Variants in TSPEAR observed in about 807,000 individuals in gnomAD.
TSPEAR encodes the protein thrombospondin-type laminin G domain and EAR repeat-containing protein.
Under a neutral mutation model 71.6 loss-of-function variants are expected in TSPEAR, and 69 were observed. The observed-to-expected ratio is 0.96, with a 90% CI of 0.79 to 1.18. The LOEUF (loss-of-function observed/expected upper bound fraction) is 1.18. Ranked by LOEUF, TSPEAR falls within the 50% of genes most tolerant of loss-of-function variation. The pLI is 0.00. For missense variants in TSPEAR, 971 were observed against 894.9 expected, an observed-to-expected ratio of 1.09 and a Z score of -1.09; for synonymous variants, 402 against 387.2, an observed-to-expected ratio of 1.04 and a Z score of -0.45.
In TSPEAR at chr21:44,705,435, G is replaced by A. The variant is rs533583331; in HGVS notation, c.82+5998C>T. On this transcript the variant is annotated intron_variant, in intron 1 of 11. Coordinates refer to ENST00000323084, the MANE Select transcript of TSPEAR (RefSeq NM_144991.3). ...GAGATAACCTTAAACTCTAACCGCC[G>A]GTGAGCCAGGAAGAACAGAGCCATA... 1.6e-4 allele frequency among the ~76,000 whole-genome samples: 25 copies of A among 152,368 alleles called. 1 individual carries two copies. In the South Asian group the frequency reaches 4.1e-3, roughly 25 times the overall value.
chr21:44,594,822 A>ATTTTTTTTT (rs34221889), intron 1 of TSPEAR, among the ~76,000 whole-genome samples: 13 of 125,518 alleles, frequency 1.0e-4, no homozygotes, highest in African/African-American at 3.1e-4. Context: ...CGGATCTGTG[A>ATTTTTTTTT]TTTTTTTTTT....
chr21:44,623,948 T>G lies in TSPEAR; in HGVS notation c.83-55943A>C, dbSNP rs1281508355. On this transcript the variant is annotated intron_variant, in intron 1 of 11. Transcript: ENST00000323084. The surrounding 1 kb of genome is among the most constrained non-coding windows in gnomAD (Gnocchi z 4.5). ...TGCTTTTTGCATCTATGGGTTAATGTTTTTCATCACTTTAAACTTCTTGTC... is the reference window on the plus strand; with the variant it reads ...TGCTTTTTGCATCTATGGGTTAATGGTTTTCATCACTTTAAACTTCTTGTC... 1.3e-5 allele frequency among the ~76,000 whole-genome samples: 2 copies of G among 152,236 alleles called. No homozygotes were observed. The highest frequency in any genetic ancestry group is 3.8e-4 in the East Asian group (2 of 5,202).
chr21:44,550,942 A>G, intron 2 of TSPEAR: 2 of 1,485,388 alleles, frequency 1.3e-6, no homozygotes, highest in Admixed American at 2.1e-5. Flanking sequence ...GAGGAGGTGC[A>G]GCAAGCCGGC....
chr21:44,661,092 G>T (rs868973699), intron 1 of TSPEAR, among the ~76,000 whole-genome samples: 2 of 152,084 alleles, frequency 1.3e-5, no homozygotes, highest in African/African-American at 4.8e-5. Context: ...TGGCTAACAC[G>T]GTGAAACCCG....
At chr21:44,504,067 C>T (rs587707375) in intron 11 of TSPEAR, among the ~76,000 whole-genome samples, 1 of 147,332 alleles carries the variant, frequency 6.8e-6, no homozygotes, top group African/African-American at 2.5e-5. Context: ...TCGGTGAGCC[C>T]TTGGGGGGAA....
At chr21:44,663,829 A>C (rs1985618354) in intron 1 of TSPEAR, among the ~76,000 whole-genome samples, 1 of 152,104 alleles carries the variant, frequency 6.6e-6, no homozygotes, top group Non-Finnish European at 1.5e-5. Context: ...ATCAACTTAT[A>C]ATTCACCATA....
At chr21:44,545,190 C>T (rs1056973792) in intron 2 of TSPEAR, among the ~76,000 whole-genome samples, 97 of 151,954 alleles carry the variant, frequency 6.4e-4, no homozygotes, top group Middle Eastern at 3.4e-3. Context: ...TGGTGGCAGC[C>T]GCCTGTAGTC....
At chr21:44,678,276 T>G (rs13046973) in intron 1 of TSPEAR, among the ~76,000 whole-genome samples, 85,837 of 151,670 alleles carry the variant, frequency 0.57, 24,601 homozygotes, top group Middle Eastern at 0.71. Flanking sequence ...GGAGGTGATT[T>G]GATCATGAGG....
intron 1 of TSPEAR, chr21:44,573,912 T>G (rs1555923127): frequency 1.2e-6 from 2 of 1,612,838 alleles, no homozygotes; most frequent in Admixed American, 3.3e-5. Context: ...CCCGGCCCCC[T>G]GCCTGAGCCT....
chr21:44,526,493 C>CAAAAA lies in TSPEAR; in HGVS notation c.1150-659_1150-655dup, dbSNP rs74818663. On this transcript the variant is annotated intron_variant, in intron 7 of 11. Coordinates refer to ENST00000323084, the MANE Select transcript of TSPEAR (RefSeq NM_144991.3). Reference sequence around the variant, plus strand: ...ATTAAAACCTTATGATGTCATCAATCAAAAAAAAAAAAACCAACTAGTTAT... The same window carrying CAAAAA: ...ATTAAAACCTTATGATGTCATCAATCAAAAAAAAAAAAAAAAAACCAACTAGTTAT... 7.1e-3 allele frequency among the ~76,000 whole-genome samples: 978 copies of CAAAAA among 138,452 alleles called. 11 individuals are homozygous for CAAAAA. The highest frequency in any genetic ancestry group is 0.024 in the African/African-American group (911 of 38,518). 90.8% of individuals were successfully genotyped at this position (138,452 alleles called of 152,430 possible).
intron 2 of TSPEAR, among the ~76,000 whole-genome samples, chr21:44,542,057 T>C (rs1481072708): frequency 2.0e-5 from 3 of 152,242 alleles, no homozygotes; most frequent in Non-Finnish European, 4.4e-5. Context: ...TGGAATTTAA[T>C]GCTGATTAAC....
At position 44,529,784 on chromosome 21, in the gene TSPEAR, GC is replaced by G. The variant is rs782715766; in HGVS notation, c.790+13del. 1.9e-6 allele frequency: 3 copies of G among 1,613,082 alleles called. No individual in the cohort carries two copies. The highest frequency in any genetic ancestry group is 1.7e-5 in the Admixed American group (1 of 59,978). ...TCTGCCTTTGGTGTGGGGGCGGGTG[GC>G]CCCCCTACTAACCATAGGGATATTT... On this transcript the variant is annotated intron_variant, in intron 5 of 11. Coordinates refer to ENST00000323084, the MANE Select transcript of TSPEAR (RefSeq NM_144991.3).
At chr21:44,583,389 C>T (rs112554617) in intron 1 of TSPEAR, among the ~76,000 whole-genome samples, 2,300 of 152,340 alleles carry the variant, frequency 0.015, 60 homozygotes, top group African/African-American at 0.052. Context: ...ACTCTGGAGA[C>T]GCGATGACAG....
At chr21:44,659,141 T>G (rs587765885) in intron 1 of TSPEAR, among the ~76,000 whole-genome samples, 1 of 152,238 alleles carries the variant, frequency 6.6e-6, no homozygotes, top group South Asian at 2.1e-4. Context: ...AGCTCCAGCC[T>G]AGCAGGCACA....
chr21:44,627,756 C>A (rs1357381066), intron 1 of TSPEAR: 9 of 1,595,454 alleles, frequency 5.6e-6, no homozygotes, highest in Non-Finnish European at 7.7e-6. Flanking sequence ...GCTGCAAACC[C>A]ATCTGCTGTG....
At chr21:44,603,733 G>A (rs1299224846) in intron 1 of TSPEAR, among the ~76,000 whole-genome samples, 17 of 152,354 alleles carry the variant, frequency 1.1e-4, no homozygotes, top group African/African-American at 4.1e-4. Context: ...AGAAGCTGAC[G>A]GTGGCTGAAA....
chr21:44,595,170 C>G (rs899233393), intron 1 of TSPEAR, among the ~76,000 whole-genome samples: 7 of 152,138 alleles, frequency 4.6e-5, no homozygotes, highest in African/African-American at 1.7e-4. Flanking sequence ...CAATTCTCTT[C>G]TCAGGAAGCA....
chr21:44,639,523 A>G (rs1381604227), intron 1 of TSPEAR, among the ~76,000 whole-genome samples: 1 of 151,746 alleles, frequency 6.6e-6, no homozygotes, highest in African/African-American at 2.4e-5. Context: ...CCAAACTGAC[A>G]CAGCCTTGTC....
At chr21:44,533,123 T>C (rs898844686) in intron 3 of TSPEAR, among the ~76,000 whole-genome samples, 1 of 152,236 alleles carries the variant, frequency 6.6e-6, no homozygotes, top group East Asian at 1.9e-4. Flanking sequence ...CTGACTCTGA[T>C]GTGCAGCGGG....
Sources: allele counts gnomAD v4.1 joint callset (sites outside exome capture counted in the v4.1 genomes callset), GRCh38; gene constraint gnomAD v4.1.1; non-coding constraint Gnocchi (gnomAD v3.1); transcripts MANE v1.5; gene names NCBI Gene and HGNC (gene_info 2026-07-23, HGNC 2026-07-21).